Variants in ARHGEF10 observed in about 807,000 individuals in gnomAD.
The protein encoded by ARHGEF10 is Rho guanine nucleotide exchange factor (GEF) 10.
Under a neutral mutation model 147.4 loss-of-function variants are expected in ARHGEF10, and 140 were observed. The ratio of observed to expected loss-of-function variants is 0.95; its 90% CI spans 0.83 to 1.09. The LOEUF (loss-of-function observed/expected upper bound fraction) is 1.09. Among genes scored for constraint, ARHGEF10 ranks in the 50% least tolerant of loss-of-function variants. The pLI is 0.00. For missense variants in ARHGEF10, 2,222 were observed against 1,752.7 expected, an observed-to-expected ratio of 1.27 and a Z score of -4.78; for synonymous variants, 902 against 695.8, an observed-to-expected ratio of 1.30 and a Z score of -4.67.
intron 9 of ARHGEF10, 95 bp downstream of exon 9, chr8:1,880,259 T>G: frequency 1.1e-6 from 1 of 871,070 alleles, no homozygotes; most frequent in Non-Finnish European, 1.9e-6. Context: ...TCAACAGCGG[T>G]TCTCAAAGGG....
intron 17 of ARHGEF10, among the ~76,000 whole-genome samples, 160 bp downstream of exon 17, chr8:1,905,876 T>A (rs560264457): frequency 6.6e-6 from 1 of 152,312 alleles, no homozygotes; most frequent in South Asian, 2.1e-4. Flanking sequence ...ATAAGCAAGC[T>A]TATTTTTAAA....
At chr8:1,832,862 GCA>G (rs1803274470) in intron 1 of ARHGEF10, among the ~76,000 whole-genome samples, 2 of 55,952 alleles carry the variant, frequency 3.6e-5, no homozygotes, top group African/African-American at 7.5e-5. Context: ...AGAGACAGAG[GCA>G]GAGGCAGAGA....
chr8:1,841,906 CGGCGG>C (rs1804085857), intron 1 of ARHGEF10, among the ~76,000 whole-genome samples: 1 of 97,516 alleles, frequency 1.0e-5, no homozygotes, highest in Non-Finnish European at 1.9e-5. Context: ...ACTGGGGCCG[CGGCGG>C]GAACTGGGGC....
At chr8:1,880,997 G>A (rs927059779) in intron 9 of ARHGEF10, among the ~76,000 whole-genome samples, 5 of 152,200 alleles carry the variant, frequency 3.3e-5, no homozygotes, top group African/African-American at 1.2e-4. Flanking sequence ...GATGGGACCT[G>A]CCGGAGGCTG....
Position 1,843,378 on chromosome 8 carries a change from G to C in ARHGEF10, c.-22G>C. On this transcript the variant is annotated 5_prime_UTR_variant, in exon 2 of 29. Transcript: ENST00000349830. The stretch of plus-strand genomic sequence containing the variant: ...GAGCTCCTTCCCTTAACAGAGCTGA[G>C]AGAGGCATCTGGAGCTGCAGCATGG... 3 of 1,613,026 alleles carry C rather than the reference G, an allele frequency of 1.9e-6. No individual in the cohort carries two copies. Among genetic ancestry groups the C allele is most frequent in the Non-Finnish European group, 2.5e-6 (3 of 1,180,002 alleles).
chr8:1,873,717 C>T (rs1453558093), intron 7 of ARHGEF10, among the ~76,000 whole-genome samples: 1 of 150,352 alleles, frequency 6.7e-6, no homozygotes, highest in South Asian at 2.1e-4. Context: ...GTAGTGCACT[C>T]GCATTTCCTA....
At chr8:1,912,654 TTGCAGAGGC>T (rs1352161723) in intron 18 of ARHGEF10, among the ~76,000 whole-genome samples, 1 of 152,198 alleles carries the variant, frequency 6.6e-6, no homozygotes, top group Non-Finnish European at 1.5e-5. Flanking sequence ...CTTTCCTCTC[TTGCAGAGGC>T]TGCAGGCTGG....
rs1163386639 is a variant in ARHGEF10, at chr8:1,925,290, G to C, written c.2496G>C (p.Glu832Asp). 1.9e-6 allele frequency: 3 copies of C among 1,614,060 alleles called. No homozygotes were observed. The highest frequency in any genetic ancestry group is 1.3e-5 in the African/African-American group (1 of 74,928). The change falls in exon 22 of 29, where the codon GAG becomes GAC. Residue 832 changes from glutamate (E) to aspartate (D), a missense_variant. Coordinates refer to ENST00000349830, the MANE Select transcript of ARHGEF10 (RefSeq NM_014629.4). The part of the protein sequence containing the change: ...LQMAKLALEE[E>D]NHMGWFCVED... Reference sequence around the variant, plus strand: ...CTCTGAATATAATTGCAGAAGAGGAGAACCACATGGGCTGGTTCTGTGTGG... The same window carrying C: ...CTCTGAATATAATTGCAGAAGAGGACAACCACATGGGCTGGTTCTGTGTGG...
intron 26 of ARHGEF10, among the ~76,000 whole-genome samples, chr8:1,940,692 C>A (rs575832327): frequency 6.6e-6 from 1 of 152,190 alleles, no homozygotes; most frequent in Non-Finnish European, 1.5e-5. Flanking sequence ...AGACCGGTAT[C>A]CACTGTGAGC....
At chr8:1,849,936 G>T (rs1257553172) in intron 2 of ARHGEF10, among the ~76,000 whole-genome samples, 26 of 130,256 alleles carry the variant, frequency 2.0e-4, no homozygotes, top group African/African-American at 8.0e-4. Flanking sequence ...TGGGCCGGCT[G>T]CGTGGACACA....
chr8:1,897,531 G>A (rs537099153), intron 14 of ARHGEF10, among the ~76,000 whole-genome samples: 5 of 149,852 alleles, frequency 3.3e-5, no homozygotes, highest in South Asian at 2.1e-4. Flanking sequence ...CTAAGGCATC[G>A]GATCGCAGTT....
chr8:1,942,845 A>G (rs575399695), intron 26 of ARHGEF10, among the ~76,000 whole-genome samples: 1 of 147,620 alleles, frequency 6.8e-6, no homozygotes, highest in Non-Finnish European at 1.5e-5. Flanking sequence ...AAGGCCGAAC[A>G]TTGTAGGATT....
At chr8:1,875,053 A>G (rs1234579960) in intron 7 of ARHGEF10, among the ~76,000 whole-genome samples, 5 of 28,572 alleles carry the variant, frequency 1.7e-4, no homozygotes, top group Admixed American at 4.1e-4. Context: ...AGGCTGGAGG[A>G]ACAGTGGAGA....
In ARHGEF10 at chr8:1,909,443, C is replaced by G; in HGVS notation, c.2116C>G (p.Leu706Val). The change falls in exon 18 of 29, where the codon CTG (leucine) becomes GTG (valine). Residue 706 changes from leucine to valine, a missense_variant. Coordinates refer to ENST00000349830, the MANE Select transcript of ARHGEF10 (RefSeq NM_014629.4). ...RHLAVHPPES[L>V]AVVANAKPNK... ...CCTTGCCGTTCACCCGCCGGAGAGC[C>G]TGGCCGTGGTTGCTAACGCGAAACC... 1.2e-6 allele frequency: 2 copies of G among 1,614,108 alleles called. No individual in the cohort carries two copies. Among genetic ancestry groups the G allele is most frequent in the Non-Finnish European group, 1.7e-6 (2 of 1,180,040 alleles).
intron 2 of ARHGEF10, among the ~76,000 whole-genome samples, chr8:1,848,452 C>T (rs533561350): frequency 2.8e-4 from 43 of 151,106 alleles, no homozygotes; most frequent in African/African-American, 9.0e-4. Flanking sequence ...TAGATTTGTC[C>T]GGGGGCTTCA....
Position 1,876,588 on chromosome 8 carries a change from G to A in ARHGEF10, c.697G>A (p.Asp233Asn), listed in dbSNP as rs1302587817. 6.2e-7 allele frequency: 1 copy of A among 1,614,194 alleles called. No individual in the cohort carries two copies. The highest frequency in any genetic ancestry group is 1.7e-5 in the Admixed American group (1 of 60,032). ...GCACTCAGATGAAATGATTTATGAT[G>A]ATGTTGAGAATGGGGATGAAGGTGG... ...DSEPDEMIYD[D>N]VENGDEGGNS... is the part of the protein sequence containing the mutation. Residue 233 changes from aspartate (D) to asparagine (N), a missense_variant, in exon 8 of 29, where the codon GAT becomes AAT. Physicochemically the swap from Asp to Asn is conservative, Grantham distance 23 (BLOSUM62 1). Coordinates refer to ENST00000349830, the MANE Select transcript of ARHGEF10 (RefSeq NM_014629.4).
At chr8:1,950,800 G>A (rs563959897) in intron 27 of ARHGEF10, among the ~76,000 whole-genome samples, 27 of 135,460 alleles carry the variant, frequency 2.0e-4, no homozygotes, top group Non-Finnish European at 3.6e-4. Context: ...GGCTGGTCTG[G>A]AACTCCTGGC....
At chr8:1,929,209 G>C in intron 24 of ARHGEF10, 77 bp from the exon 25 acceptor site, 3 of 1,474,788 alleles carry the variant, frequency 2.0e-6, no homozygotes, top group Non-Finnish European at 2.8e-6. Context: ...TGAAATGTTT[G>C]TGTTTATGTT....
chr8:1,916,571 G>C (rs1811775854), intron 18 of ARHGEF10, among the ~76,000 whole-genome samples: 1 of 152,170 alleles, frequency 6.6e-6, no homozygotes, highest in Non-Finnish European at 1.5e-5. Flanking sequence ...CCTAGGCCTT[G>C]CGCTGGGAGG....
Sources: gnomAD v4.1 joint callset for allele counts (sites outside exome capture counted in the v4.1 genomes callset) on GRCh38, gnomAD v4.1.1 for gene constraint, MANE v1.5 for transcripts, NCBI Gene and HGNC (gene_info 2026-07-23, HGNC 2026-07-21) for gene names.